Variants in SRBD1 observed in about 807,000 individuals in gnomAD.
SRBD1 encodes S1 RNA-binding domain-containing protein 1.
Under a neutral mutation model 115.3 loss-of-function variants are expected in SRBD1, and 88 were observed. That is an observed-to-expected ratio of 0.76 (90% CI 0.64 to 0.91). The LOEUF is 0.91. Ranked by LOEUF, SRBD1 falls within the 40% of genes least tolerant of loss-of-function variation. The probability of loss-of-function intolerance (pLI) is 0.00; values close to 1 mark genes in which losing one functional copy is unlikely to be tolerated. For missense variants in SRBD1, 1,385 were observed against 1,177.4 expected, an observed-to-expected ratio of 1.18 and a Z score of -2.58; for synonymous variants, 509 against 407.7, an observed-to-expected ratio of 1.25 and a Z score of -2.99.
chr2:45,523,484 T>G (rs1272036789), intron 14 of SRBD1, among the ~76,000 whole-genome samples: 1 of 151,736 alleles, frequency 6.6e-6, no homozygotes, highest in Non-Finnish European at 1.5e-5. Flanking sequence ...AAAGAAAGAC[T>G]TAAATTACTA....
intron 14 of SRBD1, among the ~76,000 whole-genome samples, chr2:45,545,614 G>A (rs1289811519): frequency 2.6e-5 from 4 of 152,322 alleles, no homozygotes; most frequent in Admixed American, 2.6e-4. Flanking sequence ...CTGGGTGCAC[G>A]TTTGCAGTTC....
Position 45,546,690 on chromosome 2 carries a change from C to G in SRBD1, c.1874+42G>C, listed in dbSNP as rs745500121. The G allele has an allele frequency of 7.5e-6, 12 of 1,589,702 alleles. No individual in the cohort carries two copies. In the South Asian group the frequency reaches 1.3e-4, roughly 18 times the overall value. On this transcript the variant is annotated intron_variant, in intron 14 of 20. Transcript: ENST00000263736. Reference sequence around the variant, plus strand: ...TCATCACAAAAGCAACTTTAAAGTTCCCATGCTTCTCCAAGAAAAGAGATA... The same window carrying G: ...TCATCACAAAAGCAACTTTAAAGTTGCCATGCTTCTCCAAGAAAAGAGATA...
At chr2:45,409,612 C>A (rs1466133564) in intron 19 of SRBD1, among the ~76,000 whole-genome samples, 1 of 151,154 alleles carries the variant, frequency 6.6e-6, no homozygotes, top group Non-Finnish European at 1.5e-5. Context: ...GACATAACTA[C>A]TTATATAGGA....
At chr2:45,578,537 T>C (rs1178655567) in intron 7 of SRBD1, among the ~76,000 whole-genome samples, 1 of 152,214 alleles carries the variant, frequency 6.6e-6, no homozygotes, top group African/African-American at 2.4e-5. Flanking sequence ...AATCACAAAT[T>C]CACATTTGCT....
Position 45,432,355 on chromosome 2 carries a change from A to G in SRBD1, c.2050-12461T>C, listed in dbSNP as rs60013450. On this transcript the variant is annotated intron_variant, in intron 16 of 20. Coordinates refer to ENST00000263736, the MANE Select transcript of SRBD1 (RefSeq NM_018079.5). ...ACACTATTTTCTAAAACTAAAAATC[A>G]TATCTATTTGGTGGAAGGAATACTG... is the stretch of plus-strand genomic sequence containing the variant. Among the ~76,000 whole-genome samples, 1,049 of 152,294 alleles carry G rather than the reference A, an allele frequency of 6.9e-3. 16 individuals carry two copies. Among genetic ancestry groups the G allele is most frequent in the African/African-American group, 0.024 (1,000 of 41,562 alleles).
chr2:45,604,540 G>A (rs1674205324), intron 2 of SRBD1, among the ~76,000 whole-genome samples: 1 of 152,098 alleles, frequency 6.6e-6, no homozygotes, highest in Non-Finnish European at 1.5e-5. Context: ...ACTACTCTCT[G>A]CCTCATGTCT....
chr2:45,441,804 G>C (rs1013023197), intron 16 of SRBD1, among the ~76,000 whole-genome samples: 3 of 152,294 alleles, frequency 2.0e-5, no homozygotes, highest in Non-Finnish European at 2.9e-5. Context: ...CGCTTTCTTA[G>C]CAGGCATCAA....
At chr2:45,391,068 TTC>T (rs756537276) in intron 20 of SRBD1, among the ~76,000 whole-genome samples, 32 of 152,128 alleles carry the variant, frequency 2.1e-4, no homozygotes, top group Admixed American at 2.1e-3. Context: ...TGGAAATTCT[TTC>T]TCTCTCTCTC....
chr2:45,585,762 T>G lies in SRBD1; in HGVS notation c.661A>C (p.Arg221=). The stretch of plus-strand genomic sequence containing the variant: ...CAAACCCAAGGTTCAATATTAGTTC[T>G]CTCAGATAAAACCTGCAAATTAAAG... The part of the protein sequence containing the change: ...NWDMVQVLSE[R]TNIEPWVCAN... The change falls in exon 5 of 21, where the codon AGA becomes CGA. Residue 221 remains arginine (R), a synonymous_variant. Coordinates refer to ENST00000263736, the MANE Select transcript of SRBD1 (RefSeq NM_018079.5). 1 of 1,595,782 alleles carries G rather than the reference T, an allele frequency of 6.3e-7. No homozygotes were observed. Among genetic ancestry groups the G allele is most frequent in the Non-Finnish European group, 8.5e-7 (1 of 1,175,466 alleles).
chr2:45,409,717 T>C (rs1245351175), intron 19 of SRBD1, among the ~76,000 whole-genome samples: 3 of 152,158 alleles, frequency 2.0e-5, no homozygotes, highest in East Asian at 1.9e-4. Flanking sequence ...CGTATTTTTA[T>C]ATATTAGCAA....
chr2:45,529,750 G>A (rs944099078), intron 14 of SRBD1, among the ~76,000 whole-genome samples: 1 of 151,996 alleles, frequency 6.6e-6, no homozygotes, highest in Non-Finnish European at 1.5e-5. Flanking sequence ...TGTATAATCA[G>A]TGAATTTTAA....
chr2:45,462,783 G>T (rs1449164776), intron 16 of SRBD1, among the ~76,000 whole-genome samples: 1 of 151,752 alleles, frequency 6.6e-6, no homozygotes, highest in Non-Finnish European at 1.5e-5. Flanking sequence ...CTGAGATCGC[G>T]CCACTGCACT....
chr2:45,534,688 G>A (rs548792923), intron 14 of SRBD1, among the ~76,000 whole-genome samples: 77 of 151,940 alleles, frequency 5.1e-4, no homozygotes, highest in African/African-American at 1.7e-3. Flanking sequence ...CTTGTGAAAC[G>A]GAAAATACTG....
chr2:45,467,642 T>C (rs1558415202), intron 16 of SRBD1, among the ~76,000 whole-genome samples: 1 of 152,194 alleles, frequency 6.6e-6, no homozygotes. Flanking sequence ...TTTTTTAAGA[T>C]AGTGTCAAAA....
At chr2:45,602,203 T>C in intron 2 of SRBD1, 120 bp from the exon 3 acceptor site, 1 of 1,147,056 alleles carries the variant, frequency 8.7e-7, no homozygotes, top group Non-Finnish European at 1.2e-6. Flanking sequence ...TAAAATGGAG[T>C]GATTGAGTAC....
intron 19 of SRBD1, among the ~76,000 whole-genome samples, chr2:45,411,401 AT>A (rs146397327): frequency 5.3e-5 from 8 of 152,376 alleles, no homozygotes; most frequent in Non-Finnish European, 1.2e-4. Flanking sequence ...GCAATAAAAA[AT>A]AAGCTACTGG....
intron 4 of SRBD1, among the ~76,000 whole-genome samples, chr2:45,590,673 T>C (rs1374502268): frequency 6.6e-6 from 1 of 152,200 alleles, no homozygotes; most frequent in African/African-American, 2.4e-5. Flanking sequence ...TCCGCCATGA[T>C]TGTAAGTCTC....
At chr2:45,470,845 G>A (rs1024489836) in intron 16 of SRBD1, among the ~76,000 whole-genome samples, 1 of 152,162 alleles carries the variant, frequency 6.6e-6, no homozygotes, top group Non-Finnish European at 1.5e-5. Flanking sequence ...TGACAGGCAT[G>A]TGTTTTTAAA....
chr2:45,438,287 A>G (rs1050052632), intron 16 of SRBD1, among the ~76,000 whole-genome samples: 2 of 152,358 alleles, frequency 1.3e-5, no homozygotes, highest in East Asian at 3.9e-4. Flanking sequence ...AAGGAAGACA[A>G]CAAAATTTGT....
Sources: gnomAD v4.1 joint callset for allele counts (sites outside exome capture counted in the v4.1 genomes callset) on GRCh38, gnomAD v4.1.1 for gene constraint, MANE v1.5 for transcripts, NCBI Gene and HGNC (gene_info 2026-07-23, HGNC 2026-07-21) for gene names.